RELN: variants seen among roughly 807,000 people sequenced by gnomAD.
RELN encodes the protein reelin.
RELN carries 108 observed loss-of-function variants against 427.6 expected under a neutral mutation model. The observed-to-expected ratio is 0.25, with a 90% confidence interval of 0.22 to 0.30. The LOEUF is 0.30. Among genes scored for constraint, RELN ranks in the 10% least tolerant of loss-of-function variants. The probability of loss-of-function intolerance (pLI) is 1.00; values close to 1 mark genes in which losing one functional copy is unlikely to be tolerated. For synonymous variants in RELN, 1,524 were observed against 1,513.4 expected (o/e 1.01, Z -0.16); for missense variants, 3,715 against 4,302.8 (o/e 0.86, Z 3.82).
chr7:103,715,878 G>T (rs557628004), intron 8 of RELN, among the ~76,000 whole-genome samples: 18 of 152,322 alleles, frequency 1.2e-4, no homozygotes, highest in African/African-American at 4.1e-4. Context: ...GGCTTTGCCA[G>T]GTTCCCTGCC....
chr7:103,908,631 G>A (rs1795271714), intron 2 of RELN, among the ~76,000 whole-genome samples: 1 of 152,108 alleles, frequency 6.6e-6, no homozygotes, highest in Non-Finnish European at 1.5e-5. Context: ...TAATTCAATA[G>A]CTGTATATTT....
rs188065624 is a variant in RELN, at chr7:103,980,173, A to G, written c.226+8958T>C. Among the ~76,000 whole-genome samples the G allele has an allele frequency of 5.9e-5, 9 of 151,984 alleles. No homozygotes were observed. The East Asian group carries it at 1.5e-3, about 26-fold the overall frequency. On this transcript the variant is annotated intron_variant, in intron 1 of 64. Transcript: ENST00000428762. Reference sequence around the variant, plus strand: ...GAAACTCTGTCTCCAAAAAAAAAAAAAAATTCTTAATAAAAATTATATTAT... The same window carrying G: ...GAAACTCTGTCTCCAAAAAAAAAAAGAAATTCTTAATAAAAATTATATTAT...
chr7:103,838,208 C>CAAGAAAAAAAAAA (rs1491227842), intron 2 of RELN, among the ~76,000 whole-genome samples: 1 of 81,082 alleles, frequency 1.2e-5, no homozygotes, highest in African/African-American at 5.1e-5. Flanking sequence ...GACTTCGTCT[C>CAAGAAAAAAAAAA]AAAAAAAAAA....
At chr7:103,665,174 G>T (rs1484364211) in intron 11 of RELN, among the ~76,000 whole-genome samples, 1 of 152,042 alleles carries the variant, frequency 6.6e-6, no homozygotes, top group Admixed American at 6.6e-5. Context: ...ATTTATTCCA[G>T]AACTGTTAAC....
chr7:103,514,446 G>C (rs1829508277), intron 50 of RELN, among the ~76,000 whole-genome samples: 1 of 152,146 alleles, frequency 6.6e-6, no homozygotes, highest in Non-Finnish European at 1.5e-5. Flanking sequence ...GATCACCTGA[G>C]GTTGGGGGTT....
At chr7:103,535,188 T>C (rs1297411482) in intron 46 of RELN, 128 bp downstream of exon 46, 2 of 843,682 alleles carry the variant, frequency 2.4e-6, no homozygotes, top group South Asian at 1.4e-5. Context: ...TAATAATTCA[T>C]ACATGGCAAT....
Position 103,565,448 on chromosome 7 carries a change from G to A in RELN, c.5040C>T (p.His1680=), listed in dbSNP as rs769707332. 1.2e-6 allele frequency: 2 copies of A among 1,613,808 alleles called. No homozygotes were observed. Among genetic ancestry groups the A allele is most frequent in the Admixed American group, 1.7e-5 (1 of 59,944 alleles). ...MGCSKPFSNS[H]SVQLQYSLNN... ...TCAGAGAATACTGGAGCTGTACACT[G>A]TGGGAGTTGCTGAAGGGCTTGCTAC... Residue 1680 remains histidine (H), a synonymous_variant, in exon 34 of 65, where the codon CAC becomes CAT. Transcript: ENST00000428762.
chr7:103,729,451 A>G (rs533090987), intron 6 of RELN, among the ~76,000 whole-genome samples: 2 of 152,202 alleles, frequency 1.3e-5, no homozygotes, highest in Admixed American at 6.5e-5. Flanking sequence ...ATTAAATGAT[A>G]TTATTTTCAT....
chr7:103,558,115 T>G, intron 36 of RELN, 66 bp from the exon 37 acceptor site: 1 of 787,190 alleles, frequency 1.3e-6, no homozygotes, highest in Non-Finnish European at 2.3e-6. Context: ...CCTTTGATTT[T>G]ATACACCTAA....
At chr7:103,696,237 T>C (rs1460051651) in intron 10 of RELN, among the ~76,000 whole-genome samples, 1 of 152,154 alleles carries the variant, frequency 6.6e-6, no homozygotes, top group Non-Finnish European at 1.5e-5. Flanking sequence ...TTTATTTTCA[T>C]ATGTTGGAAA....
intron 2 of RELN, among the ~76,000 whole-genome samples, chr7:103,834,335 G>A (rs1180472252): frequency 6.6e-6 from 1 of 152,184 alleles, no homozygotes; most frequent in Non-Finnish European, 1.5e-5. Flanking sequence ...GGTCACTTTC[G>A]TGGTTTGCTT....
At chr7:103,878,220 C>T (rs1461716902) in intron 2 of RELN, among the ~76,000 whole-genome samples, 1 of 152,040 alleles carries the variant, frequency 6.6e-6, no homozygotes, top group Non-Finnish European at 1.5e-5. Flanking sequence ...CACAATTAAG[C>T]ATCCTTTATG....
At chr7:103,910,537 A>G (rs987124714) in intron 2 of RELN, among the ~76,000 whole-genome samples, 11 of 150,552 alleles carry the variant, frequency 7.3e-5, no homozygotes, top group African/African-American at 2.4e-4. Flanking sequence ...AAGAGCCCGC[A>G]TCGCCAAGTC....
chr7:103,861,430 A>C (rs915411585), intron 2 of RELN, among the ~76,000 whole-genome samples: 1 of 152,152 alleles, frequency 6.6e-6, no homozygotes, highest in Non-Finnish European at 1.5e-5. Flanking sequence ...ATGAATCACA[A>C]TATTTGGAAA....
At chr7:103,511,918 C>T (rs554860099) in intron 50 of RELN, among the ~76,000 whole-genome samples, 2 of 152,274 alleles carry the variant, frequency 1.3e-5, no homozygotes, top group East Asian at 3.9e-4. Context: ...ATACTATCAC[C>T]ACAAGCAGGG....
At chr7:103,531,325 T>C (rs1024710115) in intron 46 of RELN, among the ~76,000 whole-genome samples, 2 of 152,232 alleles carry the variant, frequency 1.3e-5, no homozygotes, top group Non-Finnish European at 2.9e-5. Context: ...TTATAAATCA[T>C]CTTCTTTCAG....
chr7:103,874,193 G>C (rs1426809476), intron 2 of RELN, among the ~76,000 whole-genome samples: 3 of 126,360 alleles, frequency 2.4e-5, no homozygotes, highest in Non-Finnish European at 3.4e-5. Flanking sequence ...ATTAGGTATT[G>C]ATGGGATGTA....
Position 103,893,085 on chromosome 7 carries a change from G to A in RELN, c.337+23990C>T, listed in dbSNP as rs184384688. 5.8e-4 allele frequency among the ~76,000 whole-genome samples: 89 copies of A among 152,226 alleles called. No homozygotes were observed. In the Middle Eastern group the frequency reaches 0.014, roughly 23 times the overall value. ...CATGGGTAGAGGAGAAAAATACATT[G>A]CACAGACAGAAGAGAAAAAAATTAG... is the stretch of plus-strand genomic sequence containing the variant. On this transcript the variant is annotated intron_variant, in intron 2 of 64. Coordinates refer to ENST00000428762, the MANE Select transcript of RELN (RefSeq NM_005045.4).
chr7:103,820,584 G>A (rs530399375), intron 3 of RELN, among the ~76,000 whole-genome samples: 1 of 151,556 alleles, frequency 6.6e-6, no homozygotes. Flanking sequence ...CAAGGAGTCT[G>A]ATTCTGTAAT....
Sources: allele counts gnomAD v4.1 joint callset (sites outside exome capture counted in the v4.1 genomes callset), GRCh38; gene constraint gnomAD v4.1.1; transcripts MANE v1.5; gene names NCBI Gene and HGNC (gene_info 2026-07-23, HGNC 2026-07-21).